Variants in C3orf70 observed in about 807,000 individuals in gnomAD.
The protein encoded by C3orf70 is chromosome 3 open reading frame 70, also known as UPF0524 protein C3orf70.
In C3orf70, 15 loss-of-function variants were observed where a neutral mutation model predicts 20.7. The observed-to-expected ratio is 0.72, with a 90% CI of 0.48 to 1.11. The LOEUF is 1.11. C3orf70 is among the 50% of genes most tolerant of loss of function. The pLI, the probability that C3orf70 is intolerant of heterozygous loss-of-function variation, is 0.00. For synonymous variants in C3orf70, 161 were observed against 125.7 expected (o/e 1.28, Z -1.88); for missense variants, 332 against 317.6 (o/e 1.05, Z -0.34).
chr3:185,131,214 T>C (rs1221510857), intron 1 of C3orf70, among the ~76,000 whole-genome samples: 3 of 152,214 alleles, frequency 2.0e-5, no homozygotes, highest in Non-Finnish European at 4.4e-5. Context: ...AGTCTAAAAA[T>C]AGTAAACAAT....
intron 1 of C3orf70, among the ~76,000 whole-genome samples, chr3:185,106,610 C>T (rs1289549120): frequency 1.3e-5 from 2 of 152,234 alleles, no homozygotes; most frequent in Non-Finnish European, 2.9e-5. Context: ...ACCATGAGGG[C>T]CCGTCCCAGG....
At chr3:185,111,610 T>C (rs539245814) in intron 1 of C3orf70, among the ~76,000 whole-genome samples, 112 of 152,270 alleles carry the variant, frequency 7.4e-4, no homozygotes, top group African/African-American at 2.6e-3. Flanking sequence ...GGAACTCTGA[T>C]AGTGGGGATG....
chr3:185,150,811 G>C (rs1201401587), intron 1 of C3orf70, among the ~76,000 whole-genome samples: 1 of 152,176 alleles, frequency 6.6e-6, no homozygotes, highest in East Asian at 1.9e-4. Context: ...AAGATGCTTA[G>C]GAGCCTGAAT....
chr3:185,112,850 TCTAAA>T (rs1203701711), intron 1 of C3orf70, among the ~76,000 whole-genome samples: 1 of 152,228 alleles, frequency 6.6e-6, no homozygotes, highest in Non-Finnish European at 1.5e-5. Flanking sequence ...ACTTTGCATG[TCTAAA>T]CTAATTAATA....
intron 1 of C3orf70, among the ~76,000 whole-genome samples, chr3:185,131,580 A>G (rs1234841479): frequency 6.6e-6 from 1 of 152,234 alleles, no homozygotes; most frequent in African/African-American, 2.4e-5. Flanking sequence ...TTTTCTGACC[A>G]AATGGTATAC....
At chr3:185,088,305 A>G (rs1367834458) in intron 1 of C3orf70, among the ~76,000 whole-genome samples, 1 of 152,220 alleles carries the variant, frequency 6.6e-6, no homozygotes, top group Non-Finnish European at 1.5e-5. Flanking sequence ...CCACTCCATA[A>G]TGAGAAAACA....
chr3:185,093,723 C>T lies in C3orf70; in HGVS notation c.197-10160G>A, dbSNP rs953649758. Among the ~76,000 whole-genome samples, 3 of 151,726 alleles carry T rather than the reference C, an allele frequency of 2.0e-5. No individual in the cohort carries two copies. In the South Asian group the frequency reaches 6.2e-4, roughly 32 times the overall value. Reference sequence around the variant, plus strand: ...ACATGGAATGTAAATTTAAAAAGAGCGAGGACCTGAACAAAAGAAAGTAAA... The same window carrying T: ...ACATGGAATGTAAATTTAAAAAGAGTGAGGACCTGAACAAAAGAAAGTAAA... On this transcript the variant is annotated intron_variant, in intron 1 of 1. Coordinates refer to ENST00000335012, the MANE Select transcript of C3orf70 (RefSeq NM_001025266.3).
chr3:185,129,566 G>T (rs1716487119), intron 1 of C3orf70, among the ~76,000 whole-genome samples: 1 of 152,120 alleles, frequency 6.6e-6, no homozygotes, highest in Non-Finnish European at 1.5e-5. Context: ...TTTCCTTTGG[G>T]TATATACCCA....
chr3:185,099,733 C>T (rs184310446), intron 1 of C3orf70, among the ~76,000 whole-genome samples: 38 of 152,246 alleles, frequency 2.5e-4, no homozygotes, highest in Non-Finnish European at 4.4e-4. Context: ...TGAATGTAAA[C>T]GGGCTACATG....
intron 1 of C3orf70, among the ~76,000 whole-genome samples, chr3:185,121,729 C>G (rs1466092809): frequency 1.3e-5 from 2 of 152,124 alleles, no homozygotes; most frequent in African/African-American, 4.8e-5. Context: ...TGATGTCAGA[C>G]TGTATAAAAA....
intron 1 of C3orf70, among the ~76,000 whole-genome samples, chr3:185,098,377 T>G (rs1289815268): frequency 3.3e-5 from 5 of 152,228 alleles, no homozygotes; most frequent in African/African-American, 1.2e-4. Context: ...GTGAATCCTT[T>G]ACAGACTATG....
chr3:185,128,477 G>A (rs191375483), intron 1 of C3orf70, among the ~76,000 whole-genome samples: 225 of 150,434 alleles, frequency 1.5e-3, no homozygotes, highest in Non-Finnish European at 1.9e-3. Context: ...GCAGTGAGCC[G>A]ATATCGCACC....
chr3:185,123,818 C>T (rs1716358214), intron 1 of C3orf70, among the ~76,000 whole-genome samples: 2 of 152,106 alleles, frequency 1.3e-5, no homozygotes, highest in Admixed American at 1.3e-4. Context: ...AAATAAATCC[C>T]ACTTCTAAAT....
chr3:185,118,674 A>C (rs964522663), intron 1 of C3orf70, among the ~76,000 whole-genome samples: 1 of 152,252 alleles, frequency 6.6e-6, no homozygotes, highest in Non-Finnish European at 1.5e-5. Context: ...ACCTAAAAAA[A>C]ATTGCATACT....
At chr3:185,095,391 T>C (rs1188232369) in intron 1 of C3orf70, among the ~76,000 whole-genome samples, 1 of 152,138 alleles carries the variant, frequency 6.6e-6, no homozygotes, top group Non-Finnish European at 1.5e-5. Flanking sequence ...AGCTGTAGAG[T>C]TCTACAGATA....
rs1466416195 is a variant in C3orf70 at position 185,080,258 on chromosome 3, C to T, written c.*2749G>A. ...TAATTATAAAGAGATTGTGCAAATA[C>T]ATAAGGTGATTATCAACTATTATTA... On this transcript the variant is annotated 3_prime_UTR_variant, in exon 2 of 2. Transcript: ENST00000335012. The T allele has an allele frequency of 6.6e-6, 1 of 152,556 alleles. No individual in the cohort carries two copies. Among genetic ancestry groups the T allele is most frequent in the Non-Finnish European group, 1.5e-5 (1 of 68,036 alleles). 9.5% of individuals were successfully genotyped at this position (152,556 alleles called of 1,614,324 possible). A position where few individuals can be genotyped will look rare whatever the true frequency, so the allele number is the denominator to read the frequency against.
intron 1 of C3orf70, among the ~76,000 whole-genome samples, chr3:185,127,093 G>T (rs942969974): frequency 3.3e-5 from 5 of 152,000 alleles, no homozygotes; most frequent in African/African-American, 1.2e-4. Flanking sequence ...TGAAAATGTC[G>T]TTCCACTGCC....
intron 1 of C3orf70, among the ~76,000 whole-genome samples, chr3:185,086,417 A>C (rs1285693090): frequency 2.0e-5 from 3 of 152,184 alleles, no homozygotes; most frequent in Non-Finnish European, 4.4e-5. Flanking sequence ...ACTTAGGTTT[A>C]GATGAGGTTT....
rs1463219981 is a variant in C3orf70, at chr3:185,094,070, TG to T, written c.197-10508del. 8.6e-4 allele frequency among the ~76,000 whole-genome samples: 110 copies of T among 127,248 alleles called. 1 individual carries two copies. The highest frequency in any genetic ancestry group is 3.9e-3 in the East Asian group (17 of 4,316). The allele number at this position is 127,248 out of a possible 152,430, so 83.5% of individuals were successfully genotyped here. A position where few individuals can be genotyped will look rare whatever the true frequency, so the allele number is the denominator to read the frequency against. On this transcript the variant is annotated intron_variant, in intron 1 of 1. Coordinates refer to ENST00000335012, the MANE Select transcript of C3orf70 (RefSeq NM_001025266.3). ...AAATGGTTTGTAATGAGTTATACCC[TG>T]GGGTTTTTTTTTTTTTTTTTTTTTT...
Sources: allele counts gnomAD v4.1 joint callset (sites outside exome capture counted in the v4.1 genomes callset), GRCh38; gene constraint gnomAD v4.1.1; transcripts MANE v1.5; gene names NCBI Gene and HGNC (gene_info 2026-07-23, HGNC 2026-07-21).